TOX: variants seen among roughly 807,000 people sequenced by gnomAD.
TOX encodes thymocyte selection associated high mobility group box.
Under a neutral mutation model 53.7 loss-of-function variants are expected in TOX, and 11 were observed. That is an observed-to-expected ratio of 0.20 (90% confidence interval 0.13 to 0.34). The LOEUF (loss-of-function observed/expected upper bound fraction) is 0.34, where lower values mean the gene tolerates loss of function less well. Among genes scored for constraint, TOX ranks in the 10% least tolerant of loss-of-function variants. The probability of loss-of-function intolerance (pLI) is 1.00; values close to 1 mark genes in which losing one functional copy is unlikely to be tolerated. For synonymous variants in TOX, 225 were observed against 245.3 expected (o/e 0.92, Z 0.77); for missense variants, 570 against 664.6 (o/e 0.86, Z 1.56).
intron 7 of TOX, among the ~76,000 whole-genome samples, chr8:58,812,029 T>C (rs759440337): frequency 3.2e-4 from 48 of 152,200 alleles, no homozygotes; most frequent in Non-Finnish European, 5.6e-4. Context: ...TCTCTCTCTG[T>C]CTGGTGTTTG....
chr8:59,006,592 A>G (rs1232010527), intron 1 of TOX, among the ~76,000 whole-genome samples: 1 of 152,168 alleles, frequency 6.6e-6, no homozygotes, highest in African/African-American at 2.4e-5. Flanking sequence ...AGTCTTTTCT[A>G]ATCTTTATGT....
At chr8:58,956,797 G>A (rs971098357) in intron 2 of TOX, among the ~76,000 whole-genome samples, 2 of 152,114 alleles carry the variant, frequency 1.3e-5, no homozygotes, top group African/African-American at 4.8e-5. Context: ...TGTATTTTTA[G>A]TAGAGACAGG....
At chr8:58,952,267 G>A (rs1316020634) in intron 2 of TOX, among the ~76,000 whole-genome samples, 1 of 152,132 alleles carries the variant, frequency 6.6e-6, no homozygotes, top group Non-Finnish European at 1.5e-5. Context: ...TGTTTCTTTA[G>A]AACAATCTTT....
intron 2 of TOX, among the ~76,000 whole-genome samples, chr8:58,957,423 T>C (rs1162715229): frequency 6.6e-6 from 1 of 152,176 alleles, no homozygotes; most frequent in Non-Finnish European, 1.5e-5. Context: ...GTTACAAAAC[T>C]ATATGCAAAA....
intron 1 of TOX, among the ~76,000 whole-genome samples, chr8:59,038,892 C>A (rs993194242): frequency 6.6e-6 from 1 of 152,262 alleles, no homozygotes; most frequent in Non-Finnish European, 1.5e-5. Flanking sequence ...TGCTCTCCTG[C>A]AGCCTGCCCC....
intron 1 of TOX, among the ~76,000 whole-genome samples, chr8:59,027,893 T>C (rs1204156468): frequency 6.6e-6 from 1 of 152,208 alleles, no homozygotes; most frequent in African/African-American, 2.4e-5. Flanking sequence ...ATTCACATGG[T>C]TGTTAGCTGG....
chr8:58,926,617 C>A (rs1423392662), intron 3 of TOX, among the ~76,000 whole-genome samples: 1 of 152,162 alleles, frequency 6.6e-6, no homozygotes, highest in African/African-American at 2.4e-5. Context: ...ACCTACTATT[C>A]TTGGCAAGCT....
chr8:58,875,684 C>T (rs766741742), intron 3 of TOX, among the ~76,000 whole-genome samples: 1 of 152,066 alleles, frequency 6.6e-6, no homozygotes, highest in Admixed American at 6.6e-5. Context: ...TGGTTTTATA[C>T]GTAGTGGAAG....
intron 1 of TOX, among the ~76,000 whole-genome samples, chr8:59,021,481 A>AATATATATATAT (rs55755723): frequency 1.2e-3 from 76 of 64,712 alleles, no homozygotes; most frequent in Middle Eastern, 9.6e-3. Flanking sequence ...AAAAAAAAAA[A>AATATATATATAT]ATATATATAT....
At chr8:58,899,627 A>G (rs1811701347) in intron 3 of TOX, among the ~76,000 whole-genome samples, 1 of 152,164 alleles carries the variant, frequency 6.6e-6, no homozygotes, top group South Asian at 2.1e-4. Context: ...GAATATTTGC[A>G]TTATACTTAC....
In TOX at chr8:58,900,027, C is replaced by T. The variant is rs538709090; in HGVS notation, c.411+39275G>A. On this transcript the variant is annotated intron_variant, in intron 3 of 8. Coordinates refer to ENST00000361421, the MANE Select transcript of TOX (RefSeq NM_014729.3). Reference sequence around the variant, plus strand: ...AAGATTATCATTTCAGGAGATGGTCCTTTTGTTGCTATCTAGATGGGTAAT... The same window carrying T: ...AAGATTATCATTTCAGGAGATGGTCTTTTTGTTGCTATCTAGATGGGTAAT... Among the ~76,000 whole-genome samples, 12 of 151,828 alleles carry T rather than the reference C, an allele frequency of 7.9e-5. No homozygotes were observed. In the South Asian group the frequency reaches 1.9e-3, roughly 24 times the overall value.
chr8:58,909,987 A>C (rs1312919265), intron 3 of TOX, among the ~76,000 whole-genome samples: 1 of 152,078 alleles, frequency 6.6e-6, no homozygotes, highest in Non-Finnish European at 1.5e-5. Flanking sequence ...TGAGTTTCCA[A>C]AATGCCCATC....
At chr8:58,923,040 A>G (rs897463795) in intron 3 of TOX, among the ~76,000 whole-genome samples, 3 of 152,178 alleles carry the variant, frequency 2.0e-5, no homozygotes, top group Admixed American at 2.0e-4. Flanking sequence ...GAATAGTGTG[A>G]ATTGAGGTCA....
intron 4 of TOX, 78 bp from the exon 5 acceptor site, chr8:58,838,389 G>C: frequency 8.6e-7 from 1 of 1,161,394 alleles, no homozygotes; most frequent in Non-Finnish European, 1.3e-6. Flanking sequence ...TTTCCTTTGA[G>C]ACTTAGACAC....
chr8:59,089,384 A>G (rs1373011990), intron 1 of TOX, among the ~76,000 whole-genome samples: 1 of 151,988 alleles, frequency 6.6e-6, no homozygotes, highest in Non-Finnish European at 1.5e-5. Context: ...CATCATAGTG[A>G]CCTCTTTCAG....
chr8:58,965,660 C>A (rs999758020), intron 1 of TOX, among the ~76,000 whole-genome samples: 3 of 152,058 alleles, frequency 2.0e-5, no homozygotes, highest in African/African-American at 7.2e-5. Context: ...AACAGTACCA[C>A]ATTGTATTGC....
At chr8:58,927,546 G>C (rs184955906) in intron 3 of TOX, among the ~76,000 whole-genome samples, 1 of 152,294 alleles carries the variant, frequency 6.6e-6, no homozygotes, top group Admixed American at 6.5e-5. Context: ...CTCCTGGTGT[G>C]ATCGTGGGGA....
chr8:58,983,798 T>G (rs1032269806), intron 1 of TOX, among the ~76,000 whole-genome samples: 2 of 152,216 alleles, frequency 1.3e-5, no homozygotes, highest in Non-Finnish European at 2.9e-5. Context: ...AGCCCAACAC[T>G]GTAGTGCATC....
chr8:58,853,571 A>T (rs1057015421), intron 3 of TOX, among the ~76,000 whole-genome samples: 8 of 152,002 alleles, frequency 5.3e-5, no homozygotes, highest in Admixed American at 1.3e-4. Flanking sequence ...GATAAAACCC[A>T]CCTCTCCTAA....
Sources: gnomAD v4.1 joint callset for allele counts (sites outside exome capture counted in the v4.1 genomes callset) on GRCh38, gnomAD v4.1.1 for gene constraint, MANE v1.5 for transcripts, NCBI Gene and HGNC (gene_info 2026-07-23, HGNC 2026-07-21) for gene names.